The following PDE9A variants were observed in gnomAD, a reference collection of about 807,000 sequenced individuals.
PDE9A encodes high affinity cGMP-specific 3',5'-cyclic phosphodiesterase 9A.
Under a neutral mutation model 87.4 loss-of-function variants are expected in PDE9A, and 60 were observed. The observed-to-expected ratio is 0.69, with a 90% CI of 0.56 to 0.85. The LOEUF (loss-of-function observed/expected upper bound fraction) is 0.85. Ranked by LOEUF, PDE9A falls within the 40% of genes least tolerant of loss-of-function variation. The pLI is 0.00. For synonymous variants in PDE9A, 272 were observed against 279.4 expected (o/e 0.97, Z 0.27); for missense variants, 665 against 779.0 (o/e 0.85, Z 1.74).
rs754350307 is a variant in PDE9A at position 42,660,665 on chromosome 21, G to C, written c.69+6782G>C. ...AGATTAAAATGGTTAAAAATAGAAA[G>C]TGCACAAGCAAGGGTCCATCTGCAG... On this transcript the variant is annotated intron_variant, in intron 1 of 19. Coordinates refer to ENST00000291539, the MANE Select transcript of PDE9A (RefSeq NM_002606.3). The surrounding 1 kb of genome is among the most constrained non-coding windows in gnomAD (Gnocchi z 4.7). Among the ~76,000 whole-genome samples the C allele has an allele frequency of 2.7e-4, 41 of 151,236 alleles. No homozygotes were observed. Among genetic ancestry groups the C allele is most frequent in the Non-Finnish European group, 4.9e-4 (33 of 67,848 alleles).
intron 4 of PDE9A, among the ~76,000 whole-genome samples, chr21:42,706,213 C>T (rs1049223108): frequency 2.0e-5 from 3 of 152,140 alleles, no homozygotes; most frequent in African/African-American, 4.8e-5. Context: ...GATGCAGATG[C>T]GCTGTAACTG....
intron 10 of PDE9A, chr21:42,756,652 C>T (rs1298618182): frequency 7.0e-6 from 1 of 143,078 alleles, no homozygotes; most frequent in Admixed American, 6.8e-5. Flanking sequence ...TCCGAGGGCC[C>T]AGGGCTGTGG....
chr21:42,718,329 A>G (rs2050153624), intron 4 of PDE9A, among the ~76,000 whole-genome samples: 1 of 151,830 alleles, frequency 6.6e-6, no homozygotes, highest in African/African-American at 2.4e-5. Context: ...TCCATGGACT[A>G]TGAATTTACC....
At chr21:42,741,696 G>GAAAACGCCTC in intron 7 of PDE9A, 1 of 151,622 alleles carries the variant, frequency 6.6e-6, no homozygotes, top group East Asian at 2.0e-4. Flanking sequence ...CCCTGACCCT[G>GAAAACGCCTC]GAAACGCCTC....
At chr21:42,684,563 C>T (rs886126416) in intron 1 of PDE9A, among the ~76,000 whole-genome samples, 4 of 152,174 alleles carry the variant, frequency 2.6e-5, no homozygotes, top group South Asian at 2.1e-4. Flanking sequence ...CCTCTGCAGG[C>T]GAGGCCAGGA....
At position 42,653,898 on chromosome 21, in the gene PDE9A, A is replaced by G; in HGVS notation, c.69+15A>G. ...GCATTCAGAAGGTAGCCCCTCCCCC[A>G]CCCAGACACCCCCTCCTCCCCCCGG... On this transcript the variant is annotated intron_variant, in intron 1 of 19. Coordinates refer to ENST00000291539, the MANE Select transcript of PDE9A (RefSeq NM_002606.3). 1 of 1,413,790 alleles carries G rather than the reference A, an allele frequency of 7.1e-7. No individual in the cohort carries two copies. Among genetic ancestry groups the G allele is most frequent in the East Asian group, 2.7e-5 (1 of 37,222 alleles). 87.6% of individuals were successfully genotyped at this position (1,413,790 alleles called of 1,614,324 possible).
rs2055827147 is a variant in PDE9A at position 42,761,971 on chromosome 21, G to A, written c.1086-112G>A. On this transcript the variant is annotated intron_variant, in intron 13 of 19. Transcript: ENST00000291539. The stretch of plus-strand genomic sequence containing the variant: ...CACAGGCAGCTCCCCCAGCCCCCAC[G>A]GCACCTTCTCCTGACTCTACTTGCT... 9 of 1,091,020 alleles carry A rather than the reference G, an allele frequency of 8.2e-6. No individual in the cohort carries two copies. In the South Asian group the frequency reaches 9.1e-5, roughly 11 times the overall value. The allele number at this position is 1,091,020 out of a possible 1,614,324, so 67.6% of individuals were successfully genotyped here.
In PDE9A at chr21:42,775,346, G is replaced by A; in HGVS notation, c.*53G>A. On this transcript the variant is annotated 3_prime_UTR_variant, in exon 20 of 20. Coordinates refer to ENST00000291539, the MANE Select transcript of PDE9A (RefSeq NM_002606.3). Reference sequence around the variant, plus strand: ...TGGACGGGCTGGCCGAGCTGCGCGGGATCCTTGTGCAGGGAAGAGCTGCCC... The same window carrying A: ...TGGACGGGCTGGCCGAGCTGCGCGGAATCCTTGTGCAGGGAAGAGCTGCCC... 2 of 1,588,158 alleles carry A rather than the reference G, an allele frequency of 1.3e-6. No individual in the cohort carries two copies. The highest frequency in any genetic ancestry group is 1.1e-5 in the South Asian group (1 of 88,050).
chr21:42,740,579 ATGGG>A (rs557821891), intron 7 of PDE9A, among the ~76,000 whole-genome samples: 40,864 of 130,826 alleles, frequency 0.31, 5,903 homozygotes, highest in East Asian at 0.46. Context: ...GCATAGATGG[ATGGG>A]TGGATGGATG....
At chr21:42,731,246 C>T (rs1206998161) in intron 4 of PDE9A, among the ~76,000 whole-genome samples, 1 of 152,262 alleles carries the variant, frequency 6.6e-6, no homozygotes, top group African/African-American at 2.4e-5. Context: ...GCGTGAGCCA[C>T]TGCGCCCAGC....
chr21:42,765,635 G>A, intron 15 of PDE9A, 141 bp downstream of exon 15: 1 of 683,442 alleles, frequency 1.5e-6, no homozygotes, highest in South Asian at 1.6e-5. Flanking sequence ...GGTTTTCAAG[G>A]TCATGACTCT....
At chr21:42,697,102 G>C (rs924053163) in intron 3 of PDE9A, among the ~76,000 whole-genome samples, 1 of 152,006 alleles carries the variant, frequency 6.6e-6, no homozygotes, top group African/African-American at 2.4e-5. Flanking sequence ...GTGTGAGTGA[G>C]GTCATTCATA....
rs946280223 is a variant in PDE9A at position 42,764,581 on chromosome 21, G to C, written c.1243-800G>C. 5.3e-5 allele frequency among the ~76,000 whole-genome samples: 8 copies of C among 152,372 alleles called. No homozygotes were observed. The South Asian group carries it at 1.5e-3, about 28-fold the overall frequency. Reference sequence around the variant, plus strand: ...AAGAGAAGGAGGCGGCACCTGATTGGAGGAGCAGCCGCTCTGCACAGGGGA... The same window carrying C: ...AAGAGAAGGAGGCGGCACCTGATTGCAGGAGCAGCCGCTCTGCACAGGGGA... On this transcript the variant is annotated intron_variant, in intron 14 of 19. Transcript: ENST00000291539.
chr21:42,663,412 C>T (rs908889614), intron 1 of PDE9A, among the ~76,000 whole-genome samples: 27 of 152,198 alleles, frequency 1.8e-4, no homozygotes, highest in Admixed American at 7.2e-4. Context: ...TGAGTGGGGA[C>T]GAGGCAGGTG....
intron 10 of PDE9A, among the ~76,000 whole-genome samples, chr21:42,756,183 G>C (rs865863391): frequency 3.9e-5 from 6 of 152,220 alleles, no homozygotes; most frequent in Non-Finnish European, 7.3e-5. Context: ...AGACCGATGA[G>C]GGTTCCAGTG....
intron 14 of PDE9A, among the ~76,000 whole-genome samples, chr21:42,762,944 C>T (rs1232742897): frequency 6.6e-6 from 1 of 152,176 alleles, no homozygotes; most frequent in Non-Finnish European, 1.5e-5. Context: ...CCACCTGCCT[C>T]GACCTCCCAA....
chr21:42,692,219 C>T lies in PDE9A; in HGVS notation c.218+4225C>T, dbSNP rs73905741. Among the ~76,000 whole-genome samples the T allele has an allele frequency of 0.069, 10,440 of 152,244 alleles. 1,097 individuals carry two copies. Among genetic ancestry groups the T allele is most frequent in the African/African-American group, 0.23 (9,439 of 41,514 alleles). On this transcript the variant is annotated intron_variant, in intron 3 of 19. Coordinates refer to ENST00000291539, the MANE Select transcript of PDE9A (RefSeq NM_002606.3). The surrounding 1 kb of genome is among the most constrained non-coding windows in gnomAD (Gnocchi z 4.3). ...ACGGAGTGAACCAGTCCAGCTCGTG[C>T]GTGCCTCCCCCTCTGCACTGCCCAG...
intron 1 of PDE9A, among the ~76,000 whole-genome samples, chr21:42,683,757 C>T (rs1263732669): frequency 6.6e-6 from 1 of 152,198 alleles, no homozygotes; most frequent in Non-Finnish European, 1.5e-5. Context: ...GGTGCACCCC[C>T]TTCAAGCCAG....
intron 1 of PDE9A, among the ~76,000 whole-genome samples, chr21:42,656,788 G>A (rs2057106054): frequency 6.6e-6 from 1 of 152,236 alleles, no homozygotes; most frequent in African/African-American, 2.4e-5. Flanking sequence ...CCTACACGAA[G>A]GCAGGACTCT....
Sources: gnomAD v4.1 joint callset for allele counts (sites outside exome capture counted in the v4.1 genomes callset) on GRCh38, gnomAD v4.1.1 for gene constraint, Gnocchi (gnomAD v3.1) non-coding constraint, MANE v1.5 for transcripts, NCBI Gene and HGNC (gene_info 2026-07-23, HGNC 2026-07-21) for gene names.